The following LUC7L3 variants were observed in gnomAD, a reference collection of about 807,000 sequenced individuals.
LUC7L3 encodes LUC7 like 3 pre-mRNA splicing factor.
LUC7L3 carries 6 observed loss-of-function variants against 66.8 expected under a neutral mutation model. That is an observed-to-expected ratio of 0.09 (90% CI 0.05 to 0.18). The LOEUF is 0.18. LUC7L3 is among the 10% of genes least tolerant of loss of function. LUC7L3 has a pLI of 1.00. For synonymous variants in LUC7L3, 160 were observed against 174.7 expected (o/e 0.92, Z 0.66); for missense variants, 341 against 531.1 (o/e 0.64, Z 3.52).
chr17:50,748,655 C>A (rs1346042814), intron 9 of LUC7L3, among the ~76,000 whole-genome samples: 1 of 151,924 alleles, frequency 6.6e-6, no homozygotes, highest in East Asian at 1.9e-4. Flanking sequence ...GCGGAATAAG[C>A]TGAGTTACGT....
intron 2 of LUC7L3, among the ~76,000 whole-genome samples, chr17:50,737,890 G>A (rs753754254): frequency 2.2e-4 from 33 of 152,122 alleles, no homozygotes; most frequent in Non-Finnish European, 3.7e-4. Context: ...ATTCTCTCAA[G>A]GATGGTACAT....
intron 1 of LUC7L3, among the ~76,000 whole-genome samples, chr17:50,734,297 A>G (rs1195502387): frequency 1.3e-5 from 2 of 151,786 alleles, no homozygotes; most frequent in African/African-American, 2.4e-5. Flanking sequence ...CCTCCCGAGT[A>G]GTTGGGATTA....
chr17:50,719,911 G>C (rs761365008), intron 1 of LUC7L3, 80 bp downstream of exon 1: 12 of 1,329,462 alleles, frequency 9.0e-6, no homozygotes, highest in African/African-American at 1.5e-5. Context: ...TCCTGGCCGC[G>C]GCGCGATGTG....
intron 1 of LUC7L3, 200 bp from the exon 2 acceptor site, chr17:50,736,760 A>T (rs1185060618): frequency 1.9e-6 from 1 of 528,546 alleles, no homozygotes; most frequent in Non-Finnish European, 3.3e-6. Context: ...TAGTAATACG[A>T]GTACTGCAGA....
chr17:50,729,876 A>G (rs1168368968), intron 1 of LUC7L3, among the ~76,000 whole-genome samples: 5 of 133,514 alleles, frequency 3.7e-5, no homozygotes, highest in Non-Finnish European at 8.2e-5. Flanking sequence ...AATCAGAAGT[A>G]TATATTGAAT....
In LUC7L3 at chr17:50,744,873, G is replaced by A. The variant is rs761309484; in HGVS notation, c.693+60G>A. 7.9e-6 allele frequency: 11 copies of A among 1,386,966 alleles called. No homozygotes were observed. In the Admixed American group the frequency reaches 1.0e-4, roughly 13 times the overall value. 85.9% of individuals were successfully genotyped at this position (1,386,966 alleles called of 1,614,324 possible). ...GCTCTGTCACCTAGAGTGCAGTGAC[G>A]CGATCTCAGCTCACTGCCACCTCCA... On this transcript the variant is annotated intron_variant, in intron 7 of 9. Transcript: ENST00000505658.
intron 1 of LUC7L3, chr17:50,722,760 T>C (rs943177559): frequency 1.3e-5 from 2 of 152,192 alleles, no homozygotes; most frequent in African/African-American, 2.4e-5. Flanking sequence ...GTATGTAACC[T>C]TCACCAAGGT....
chr17:50,728,075 G>C (rs903861794), intron 1 of LUC7L3, among the ~76,000 whole-genome samples: 1 of 150,094 alleles, frequency 6.7e-6, no homozygotes, highest in African/African-American at 2.5e-5. Context: ...CCGAGATCGC[G>C]CCACTGCACT....
intron 1 of LUC7L3, among the ~76,000 whole-genome samples, chr17:50,734,767 C>G (rs1438238300): frequency 2.6e-5 from 4 of 152,128 alleles, no homozygotes; most frequent in Admixed American, 1.3e-4. Flanking sequence ...GCTTGCCTAG[C>G]TTAAACTTAT....
chr17:50,746,096 G>GA, intron 8 of LUC7L3, 93 bp downstream of exon 8: 5 of 1,436,144 alleles, frequency 3.5e-6, no homozygotes, highest in Non-Finnish European at 4.6e-6. Flanking sequence ...TGGTACTTGG[G>GA]AAGCTCTTAA....
In LUC7L3 at chr17:50,719,834, A is replaced by G. The variant is rs1357220897; in HGVS notation, c.99+3A>G. ...ACGTGCGGTGGGACCACGAGAGCGTAAGTCCCGCGGGCCTTGGCCTGAGCC... is the reference window on the plus strand; with the variant it reads ...ACGTGCGGTGGGACCACGAGAGCGTGAGTCCCGCGGGCCTTGGCCTGAGCC... On this transcript the variant is annotated splice_donor_region_variant and intron_variant, in intron 1 of 9. Coordinates refer to ENST00000505658, the MANE Select transcript of LUC7L3 (RefSeq NM_016424.5). The G allele has an allele frequency of 6.6e-7, 1 of 1,511,736 alleles. No homozygotes were observed. 93.6% of individuals were successfully genotyped at this position (1,511,736 alleles called of 1,614,324 possible).
chr17:50,720,772 GT>G (rs534737716), intron 1 of LUC7L3, among the ~76,000 whole-genome samples: 22 of 152,270 alleles, frequency 1.4e-4, no homozygotes, highest in Non-Finnish European at 2.8e-4. Context: ...TTAGAAAACT[GT>G]TTTCTTACTC....
In LUC7L3 at chr17:50,755,563, G is replaced by T. The variant is rs1018204976; in HGVS notation, c.*4902G>T. 6.6e-6 allele frequency: 1 copy of T among 152,150 alleles called. No individual in the cohort carries two copies. The highest frequency in any genetic ancestry group is 6.6e-5 in the Admixed American group (1 of 15,260). The allele number at this position is 152,150 out of a possible 1,614,324, so 9.4% of individuals were successfully genotyped here. The stretch of plus-strand genomic sequence containing the variant: ...ACTATTTTAAAAATTCAAGAGTTTT[G>T]TAGCTGATCTATTTCTTCCCCTCAG... On this transcript the variant is annotated 3_prime_UTR_variant, in exon 10 of 10. Transcript: ENST00000505658.
chr17:50,737,832 A>G (rs1296164075), intron 2 of LUC7L3, among the ~76,000 whole-genome samples: 1 of 152,182 alleles, frequency 6.6e-6, no homozygotes, highest in Non-Finnish European at 1.5e-5. Flanking sequence ...TAGAGAGACT[A>G]GTTTATCTGA....
At chr17:50,742,510 C>T (rs116971059) in intron 5 of LUC7L3, among the ~76,000 whole-genome samples, 2,600 of 152,188 alleles carry the variant, frequency 0.017, 43 homozygotes, top group Middle Eastern at 0.044. Flanking sequence ...AGGTGTGCGC[C>T]ACCATCCCCG....
In LUC7L3 at chr17:50,752,311, T is replaced by C. The variant is rs1467104937; in HGVS notation, c.*1650T>C. On this transcript the variant is annotated 3_prime_UTR_variant, in exon 10 of 10. Coordinates refer to ENST00000505658, the MANE Select transcript of LUC7L3 (RefSeq NM_016424.5). Reference sequence around the variant, plus strand: ...TAGTGGCATAGAAAAAGTATAAAGCTCAGTTAGTTTTTTTATTATTATTAT... The same window carrying C: ...TAGTGGCATAGAAAAAGTATAAAGCCCAGTTAGTTTTTTTATTATTATTAT... 3 of 944,588 alleles carry C rather than the reference T, an allele frequency of 3.2e-6. No homozygotes were observed. The African/African-American group carries it at 5.3e-5, about 17-fold the overall frequency. 58.5% of individuals were successfully genotyped at this position (944,588 alleles called of 1,614,324 possible). A position where few individuals can be genotyped will look rare whatever the true frequency, so the allele number is the denominator to read the frequency against.
In LUC7L3 at chr17:50,745,797, A is replaced by G; in HGVS notation, c.771A>G (p.Arg257=). The G allele has an allele frequency of 6.3e-7, 1 of 1,598,208 alleles. No individual in the cohort carries two copies. The highest frequency in any genetic ancestry group is 1.3e-5 in the African/African-American group (1 of 74,256). ...AGGAGAAGCAAGAAAGAGAAGAAAGAGAAAAAGAACGGGAGAGAGAAAGGG... is the reference window on the plus strand; with the variant it reads ...AGGAGAAGCAAGAAAGAGAAGAAAGGGAAAAAGAACGGGAGAGAGAAAGGG... The part of the protein sequence containing the change: ...LKKEKQEREE[R]EKEREREREE... Residue 257 remains arginine, a synonymous_variant, in exon 8 of 10, where the codon AGA becomes AGG. Transcript: ENST00000505658.
In LUC7L3 at chr17:50,738,894, C is replaced by T. The variant is rs184221151; in HGVS notation, c.167-1412C>T. ...CATACCCCTGTGAAATTTTAGAACA[C>T]GGGGGTGGTGGGGGTGGGTGTAGGT... On this transcript the variant is annotated intron_variant, in intron 2 of 9. Transcript: ENST00000505658. 2.2e-3 allele frequency among the ~76,000 whole-genome samples: 336 copies of T among 149,684 alleles called. 5 individuals carry two copies. Among genetic ancestry groups the T allele is most frequent in the Non-Finnish European group, 1.0e-3 (68 of 67,394 alleles).
rs952164547 is a variant in LUC7L3, at chr17:50,753,957, A to G, written c.*3296A>G. ...GAGGACCTGCCTCCCCAGGACATCT[A>G]TGACTAAGGCCTGGCTTTAGTTATG... On this transcript the variant is annotated 3_prime_UTR_variant, in exon 10 of 10. Transcript: ENST00000505658. 1.5e-4 allele frequency: 23 copies of G among 152,290 alleles called. No homozygotes were observed. The highest frequency in any genetic ancestry group is 4.8e-4 in the African/African-American group (20 of 41,558). 9.4% of individuals were successfully genotyped at this position (152,290 alleles called of 1,614,324 possible).
Sources: gnomAD v4.1 joint callset for allele counts (sites outside exome capture counted in the v4.1 genomes callset) on GRCh38, gnomAD v4.1.1 for gene constraint, MANE v1.5 for transcripts, NCBI Gene and HGNC (gene_info 2026-07-23, HGNC 2026-07-21) for gene names.